The following POLR2H variants were observed in gnomAD, a reference collection of about 807,000 sequenced individuals.
POLR2H encodes RNA polymerase II, I and III subunit H, also known as DNA-directed RNA polymerases I, II, and III subunit RPABC3.
In POLR2H, 3 loss-of-function variants were observed where a neutral mutation model predicts 18.1. The ratio of observed to expected loss-of-function variants is 0.17; its 90% CI spans 0.08 to 0.43. POLR2H has a LOEUF of 0.43. POLR2H is among the 20% of genes least tolerant of loss of function. POLR2H has a pLI of 0.99. For synonymous variants in POLR2H, 76 were observed against 69.0 expected (o/e 1.10, Z -0.50); for missense variants, 103 against 184.6 (o/e 0.56, Z 2.56).
chr3:184,363,559 G>C lies in POLR2H; in HGVS notation c.67G>C (p.Asp23His), dbSNP rs1369060247. ...KDIDPEGKKF[D>H]RVSRLHCESE... ...TATTGACCCGGAGGGCAAGAAGTTT[G>C]ACCGAGGTAAGTAAGGTATGTAGGG... The change falls in exon 2 of 6, where the codon GAC (aspartate) becomes CAC (histidine). Residue 23 changes from aspartate (D) to histidine (H), a missense_variant. Asp to His is a moderately conservative substitution (Grantham distance 81). Transcript: ENST00000456318. 6 of 1,613,730 alleles carry C rather than the reference G, an allele frequency of 3.7e-6. No individual in the cohort carries two copies. The highest frequency in any genetic ancestry group is 5.1e-6 in the Non-Finnish European group (6 of 1,179,690).
At chr3:184,363,914 G>T (rs886115202) in intron 2 of POLR2H, among the ~76,000 whole-genome samples, 1 of 152,188 alleles carries the variant, frequency 6.6e-6, no homozygotes, top group African/African-American at 2.4e-5. Context: ...AGCCTGGCGT[G>T]GTGGCGGGCG....
In POLR2H at chr3:184,368,591, A is replaced by G; in HGVS notation, c.*297A>G. The G allele has an allele frequency of 3.7e-6, 1 of 268,560 alleles. No homozygotes were observed. The highest frequency in any genetic ancestry group is 7.0e-6 in the Non-Finnish European group (1 of 142,206). 16.6% of individuals were successfully genotyped at this position (268,560 alleles called of 1,614,324 possible). A position where few individuals can be genotyped will look rare whatever the true frequency, so the allele number is the denominator to read the frequency against. ...CATTTACTGTAAAATCGTTTTTTCC[A>G]GTTTGTCTGTGGTGTATTGTTTCTG... On this transcript the variant is annotated 3_prime_UTR_variant, in exon 6 of 6. Transcript: ENST00000456318.
rs1356574786 is a variant in POLR2H at position 184,363,377 on chromosome 3, C to T, written c.-116C>T. ...GCATGCGCCACTCTCGTCTGGCCGCCGCGCTTTCAGGAGGTGCTTTTGGTT... is the reference window on the plus strand; with the variant it reads ...GCATGCGCCACTCTCGTCTGGCCGCTGCGCTTTCAGGAGGTGCTTTTGGTT... On this transcript the variant is annotated 5_prime_UTR_variant, in exon 2 of 6. Transcript: ENST00000456318. 3.5e-6 allele frequency: 3 copies of T among 850,568 alleles called. No individual in the cohort carries two copies. The highest frequency in any genetic ancestry group is 5.9e-6 in the Non-Finnish European group (3 of 509,606). 52.7% of individuals were successfully genotyped at this position (850,568 alleles called of 1,614,324 possible).
At position 184,362,297 on chromosome 3, in the gene POLR2H, G is replaced by C. The variant is rs1712276719; in HGVS notation, c.-621+151G>C. On this transcript the variant is annotated intron_variant, in intron 1 of 5. Coordinates refer to ENST00000456318, the MANE Select transcript of POLR2H (RefSeq NM_006232.5). The surrounding 1 kb of genome is among the most constrained non-coding windows in gnomAD (Gnocchi z 5.9). ...GCGTGGGTCGCTTCTCCCTGGCTGG[G>C]CCCAAGGAGGAACCCAAGTCGCTGC... The C allele has an allele frequency of 6.6e-6, 1 of 152,456 alleles. No homozygotes were observed. The highest frequency in any genetic ancestry group is 6.5e-5 in the Admixed American group (1 of 15,286). 9.4% of individuals were successfully genotyped at this position (152,456 alleles called of 1,614,324 possible). A position where few individuals can be genotyped will look rare whatever the true frequency, so the allele number is the denominator to read the frequency against.
chr3:184,363,311 G>A lies in POLR2H; in HGVS notation c.-182G>A. 3 of 643,434 alleles carry A rather than the reference G, an allele frequency of 4.7e-6. No individual in the cohort carries two copies. Among genetic ancestry groups the A allele is most frequent in the Non-Finnish European group, 8.5e-6 (3 of 354,050 alleles). 39.9% of individuals were successfully genotyped at this position (643,434 alleles called of 1,614,324 possible). ...ACGGAAGTTAAGTAGCCCCGAGCGGGAGGCTGTGGCGGAAGTGGTCGCGTT... is the reference window on the plus strand; with the variant it reads ...ACGGAAGTTAAGTAGCCCCGAGCGGAAGGCTGTGGCGGAAGTGGTCGCGTT... On this transcript the variant is annotated 5_prime_UTR_variant, in exon 2 of 6. Coordinates refer to ENST00000456318, the MANE Select transcript of POLR2H (RefSeq NM_006232.5).
chr3:184,365,845 G>T (rs181871536), intron 4 of POLR2H, among the ~76,000 whole-genome samples: 8,857 of 148,748 alleles, frequency 0.06, 375 homozygotes, highest in African/African-American at 0.12. Context: ...GCGTAGTGGC[G>T]GGCGCCTGTA....
At position 184,368,366 on chromosome 3, in the gene POLR2H, G is replaced by A. The variant is rs1713704785; in HGVS notation, c.*72G>A. ...CATTGTTCAAGCCTGAGTGGCAGCC[G>A]CTCTTGCTCACCTGTTGAGGAAGGG... On this transcript the variant is annotated 3_prime_UTR_variant, in exon 6 of 6. Coordinates refer to ENST00000456318, the MANE Select transcript of POLR2H (RefSeq NM_006232.5). 1.9e-5 allele frequency: 25 copies of A among 1,292,338 alleles called. No homozygotes were observed. Among genetic ancestry groups the A allele is most frequent in the South Asian group, 6.0e-5 (4 of 67,154 alleles). The allele number at this position is 1,292,338 out of a possible 1,614,324, so 80.1% of individuals were successfully genotyped here. A position where few individuals can be genotyped will look rare whatever the true frequency, so the allele number is the denominator to read the frequency against.
Position 184,365,146 on chromosome 3 carries a change from G to C in POLR2H, c.171G>C (p.Arg57=). 6.2e-7 allele frequency: 1 copy of C among 1,612,930 alleles called. No individual in the cohort carries two copies. The highest frequency in any genetic ancestry group is 8.5e-7 in the Non-Finnish European group (1 of 1,178,898). Residue 57 remains arginine (R), a synonymous_variant, in exon 4 of 6, where the codon CGG becomes CGC. Transcript: ENST00000456318. ...TGTTATTTTCAGGTGACAAGTTTCG[G>C]TTGGTCATAGCTAGTACCTTGTATG... is the stretch of plus-strand genomic sequence containing the variant. ...IYPVDLGDKF[R]LVIASTLYED...
At position 184,363,344 on chromosome 3, in the gene POLR2H, G is replaced by C; in HGVS notation, c.-149G>C. 1.4e-6 allele frequency: 1 copy of C among 696,632 alleles called. No homozygotes were observed. The highest frequency in any genetic ancestry group is 1.5e-5 in the South Asian group (1 of 65,370). 43.2% of individuals were successfully genotyped at this position (696,632 alleles called of 1,614,324 possible). A position where few individuals can be genotyped will look rare whatever the true frequency, so the allele number is the denominator to read the frequency against. On this transcript the variant is annotated 5_prime_UTR_variant, in exon 2 of 6. Coordinates refer to ENST00000456318, the MANE Select transcript of POLR2H (RefSeq NM_006232.5). ...GGCGGAAGTGGTCGCGTTACCGCTT[G>C]TTTGTGCGCATGCGCCACTCTCGTC...
chr3:184,363,667 C>A, intron 2 of POLR2H, 102 bp downstream of exon 2: 2 of 837,896 alleles, frequency 2.4e-6, no homozygotes, highest in Non-Finnish European at 2.0e-6. Context: ...CCCCTACCAG[C>A]AGGTCCTGGT....
Position 184,368,164 on chromosome 3 carries a change from C to T in POLR2H, c.336-13C>T, listed in dbSNP as rs766018130. On this transcript the variant is annotated splice_polypyrimidine_tract_variant and intron_variant, in intron 5 of 5. Transcript: ENST00000456318. ...AGTGCTCCAGAATCACGGGATGGGG[C>T]CTTCTGTTTCAGCTCTGCGTACGTG... 1 of 1,614,000 alleles carries T rather than the reference C, an allele frequency of 6.2e-7. No homozygotes were observed.
rs769304241 is a variant in POLR2H, at chr3:184,363,483, C to T, written c.-10C>T. ...CTCACCCCTTCTGCTGCTCTCGTGG[C>T]CCCCTCGCGATGGCGGGCATCCTGT... On this transcript the variant is annotated 5_prime_UTR_variant, in exon 2 of 6. Coordinates refer to ENST00000456318, the MANE Select transcript of POLR2H (RefSeq NM_006232.5). The T allele has an allele frequency of 6.2e-7, 1 of 1,612,280 alleles. No individual in the cohort carries two copies.
In POLR2H at chr3:184,363,089, A is replaced by G. The variant is rs1002095768; in HGVS notation, c.-404A>G. The G allele has an allele frequency of 1.7e-4, 47 of 274,900 alleles. No homozygotes were observed. Among genetic ancestry groups the G allele is most frequent in the Non-Finnish European group, 3.0e-4 (42 of 139,862 alleles). 17.0% of individuals were successfully genotyped at this position (274,900 alleles called of 1,614,324 possible). A position where few individuals can be genotyped will look rare whatever the true frequency, so the allele number is the denominator to read the frequency against. On this transcript the variant is annotated 5_prime_UTR_variant, in exon 2 of 6. Coordinates refer to ENST00000456318, the MANE Select transcript of POLR2H (RefSeq NM_006232.5). The stretch of plus-strand genomic sequence containing the variant: ...GGCTAGGGCCCGGCTTCTCTGGGCC[A>G]AGGATCAAGGTCCCTGCCTGGGTTA...
rs142399481 is a variant in POLR2H at position 184,367,376 on chromosome 3, C to T, written c.335+576C>T. ...AGACTTTTTTGCATATCCTGGTGTT[C>T]TGTTTTTTTCTTGGAGACTGTGGTG... is the stretch of plus-strand genomic sequence containing the variant. On this transcript the variant is annotated intron_variant, in intron 5 of 5. Transcript: ENST00000456318. Among the ~76,000 whole-genome samples the T allele has an allele frequency of 7.0e-3, 1,062 of 152,096 alleles. 10 individuals are homozygous for T. Among genetic ancestry groups the T allele is most frequent in the African/African-American group, 0.021 (874 of 41,488 alleles).
At chr3:184,365,087 G>A (rs1419441961) in intron 3 of POLR2H, 38 bp downstream of exon 3, 1 of 1,580,788 alleles carries the variant, frequency 6.3e-7, no homozygotes, top group Non-Finnish European at 8.7e-7. Flanking sequence ...GAGACTTTTT[G>A]CTGCTTCTGC....
chr3:184,365,879 G>C (rs1055880538), intron 4 of POLR2H, among the ~76,000 whole-genome samples: 7 of 150,252 alleles, frequency 4.7e-5, no homozygotes, highest in African/African-American at 1.7e-4. Context: ...GGGAGGCTGA[G>C]GCAGGAGAAT....
At chr3:184,365,954 C>A (rs1238532820) in intron 4 of POLR2H, among the ~76,000 whole-genome samples, 1 of 136,204 alleles carries the variant, frequency 7.3e-6, no homozygotes, top group Non-Finnish European at 1.5e-5. Context: ...CCAGCCTGGG[C>A]GACAGAGCGA....
chr3:184,363,381 C>G lies in POLR2H; in HGVS notation c.-112C>G, dbSNP rs1017330001. 3 of 891,110 alleles carry G rather than the reference C, an allele frequency of 3.4e-6. No homozygotes were observed. Among genetic ancestry groups the G allele is most frequent in the African/African-American group, 1.6e-5 (1 of 61,334 alleles). The allele number at this position is 891,110 out of a possible 1,614,324, so 55.2% of individuals were successfully genotyped here. ...GCGCCACTCTCGTCTGGCCGCCGCG[C>G]TTTCAGGAGGTGCTTTTGGTTCTCT... On this transcript the variant is annotated 5_prime_UTR_variant, in exon 2 of 6. Transcript: ENST00000456318.
rs1712472190 is a variant in POLR2H at position 184,362,938 on chromosome 3, GGCCCA to G, written c.-553_-549del. Reference sequence around the variant, plus strand: ...GGGTTACGTCCAGCAGGGCCGAGCCGGCCCAGGCCGGCCCCGGGGTCCTCGGTGCC... The same window carrying G: ...GGGTTACGTCCAGCAGGGCCGAGCCGGGCCGGCCCCGGGGTCCTCGGTGCC... On this transcript the variant is annotated 5_prime_UTR_variant, in exon 2 of 6. It introduces an in-frame stop codon into an upstream open reading frame of the 5' UTR. Transcript: ENST00000456318. The surrounding 1 kb of genome is among the most constrained non-coding windows in gnomAD (Gnocchi z 5.9). The G allele has an allele frequency of 6.1e-6, 1 of 163,722 alleles. No individual in the cohort carries two copies. The highest frequency in any genetic ancestry group is 2.4e-5 in the African/African-American group (1 of 41,452). The allele number at this position is 163,722 out of a possible 1,614,324, so 10.1% of individuals were successfully genotyped here. A position where few individuals can be genotyped will look rare whatever the true frequency, so the allele number is the denominator to read the frequency against.
Sources: gnomAD v4.1 joint callset for allele counts (sites outside exome capture counted in the v4.1 genomes callset) on GRCh38, gnomAD v4.1.1 for gene constraint, Gnocchi (gnomAD v3.1) non-coding constraint, MANE v1.5 for transcripts, NCBI Gene and HGNC (gene_info 2026-07-23, HGNC 2026-07-21) for gene names.